SMYD5: variants seen among roughly 807,000 people sequenced by gnomAD.
SMYD5 encodes protein-lysine N-trimethyltransferase SMYD5.
In SMYD5, 35 loss-of-function variants were observed where a neutral mutation model predicts 57.4. The observed-to-expected ratio is 0.61, with a 90% CI of 0.47 to 0.81. The LOEUF is 0.81. Among genes scored for constraint, SMYD5 ranks in the 30% least tolerant of loss-of-function variants. The pLI is 0.00. For missense variants in SMYD5, 471 were observed against 527.9 expected, an observed-to-expected ratio of 0.89 and a Z score of 1.06; for synonymous variants, 198 against 189.7, an observed-to-expected ratio of 1.04 and a Z score of -0.36.
chr2:73,223,386 C>T (rs1380527023), intron 8 of SMYD5, 40 bp from the exon 9 acceptor site: 2 of 1,408,030 alleles, frequency 1.4e-6, no homozygotes, highest in South Asian at 1.2e-5. Flanking sequence ...GTGACCTGGG[C>T]TTCTGCCTCC....
rs376748239 is a variant in SMYD5, at chr2:73,223,555, C to G, written c.883+23C>G. ...CAGGTTGGTGAGATAGGGCCTTGGC[C>G]TCACCCAGCCATGGCGACCCCCCCA... On this transcript the variant is annotated intron_variant, in intron 9 of 12. Coordinates refer to ENST00000389501, the MANE Select transcript of SMYD5 (RefSeq NM_006062.3). The G allele has an allele frequency of 2.2e-5, 34 of 1,521,492 alleles. No individual in the cohort carries two copies. The African/African-American group carries it at 3.1e-4, about 14-fold the overall frequency. The allele number at this position is 1,521,492 out of a possible 1,614,324, so 94.2% of individuals were successfully genotyped here.
At chr2:73,223,672 C>T in intron 9 of SMYD5, 140 bp downstream of exon 9, 1 of 708,312 alleles carries the variant, frequency 1.4e-6, no homozygotes, top group Non-Finnish European at 2.5e-6. Context: ...AGCTTCAGAT[C>T]TGTCCACAGG....
At chr2:73,214,428 A>G in intron 1 of SMYD5, 66 bp downstream of exon 1, 1 of 1,606,244 alleles carries the variant, frequency 6.2e-7, no homozygotes, top group South Asian at 1.1e-5. Flanking sequence ...GCCCGGCCGG[A>G]CTCCATGCCC....
In SMYD5 at chr2:73,221,852, ACT is replaced by A. The variant is rs867331109; in HGVS notation, c.567_568del (p.Ser191ProfsTer4). ...CGAAGGACAAGGACCGTTGGATCAG[ACT>A]CTTTTCCCAGTTTTGTAACAAAACA... ...QAKDKDRWIR[L>X]FSQFCNKTAN... On this transcript the variant is annotated frameshift_variant, in exon 6 of 13. Coordinates refer to ENST00000389501, the MANE Select transcript of SMYD5 (RefSeq NM_006062.3). LOFTEE classifies it high-confidence loss of function. 1.2e-6 allele frequency: 2 copies of A among 1,613,578 alleles called. No homozygotes were observed. Among genetic ancestry groups the A allele is most frequent in the Admixed American group, 3.3e-5 (2 of 59,964 alleles).
chr2:73,219,187 G>A (rs1360161155), intron 2 of SMYD5, among the ~76,000 whole-genome samples: 1 of 152,094 alleles, frequency 6.6e-6, no homozygotes, highest in Non-Finnish European at 1.5e-5. Flanking sequence ...GCTCCCTGAG[G>A]GAGCACAGCA....
intron 1 of SMYD5, among the ~76,000 whole-genome samples, chr2:73,217,011 G>C (rs1252199565): frequency 6.6e-6 from 1 of 151,420 alleles, no homozygotes; most frequent in Non-Finnish European, 1.5e-5. Flanking sequence ...TAGTGCAGTA[G>C]TACAATCTTG....
At chr2:73,214,480 G>A (rs1166347092) in intron 1 of SMYD5, 118 bp downstream of exon 1, 2 of 1,523,978 alleles carry the variant, frequency 1.3e-6, no homozygotes, top group Non-Finnish European at 1.8e-6. Flanking sequence ...CTACGGCCCT[G>A]CCCCTGCTCG....
Position 73,224,944 on chromosome 2 carries a change from A to G in SMYD5, c.1019A>G (p.Asp340Gly). 2 of 1,613,776 alleles carry G rather than the reference A, an allele frequency of 1.2e-6. No individual in the cohort carries two copies. The highest frequency in any genetic ancestry group is 8.5e-7 in the Non-Finnish European group (1 of 1,179,816). The stretch of plus-strand genomic sequence containing the variant: ...CTTTTGCATGTCACTGCTCTGGAGG[A>G]TATTAAGCCAGGAGAGGTGAGGGGG... ...NFLLHVTALE[D>G]IKPGEEICIS... The change falls in exon 11 of 13, where the codon GAT becomes GGT. Residue 340 changes from aspartate to glycine, a missense_variant. Asp to Gly is a moderately conservative substitution (Grantham distance 94). Transcript: ENST00000389501.
At chr2:73,225,141 C>A (rs1686475912) in intron 11 of SMYD5, 181 bp downstream of exon 11, 2 of 564,206 alleles carry the variant, frequency 3.5e-6, no homozygotes, top group Non-Finnish European at 6.3e-6. Context: ...CTCGCTTTTT[C>A]AAAATATGAC....
intron 1 of SMYD5, among the ~76,000 whole-genome samples, chr2:73,215,696 C>G (rs947459708): frequency 6.6e-6 from 1 of 152,182 alleles, no homozygotes; most frequent in East Asian, 1.9e-4. Context: ...TTCTTCACTT[C>G]AGCCACTCTC....
At chr2:73,223,392 C>A (rs920723157) in intron 8 of SMYD5, 34 bp from the exon 9 acceptor site, 1 of 1,470,472 alleles carries the variant, frequency 6.8e-7, no homozygotes, top group Non-Finnish European at 9.5e-7. Flanking sequence ...TGGGCTTCTG[C>A]CTCCCCAACC....
chr2:73,215,801 A>G (rs1411384012), intron 1 of SMYD5, among the ~76,000 whole-genome samples: 1 of 151,878 alleles, frequency 6.6e-6, no homozygotes, highest in East Asian at 1.9e-4. Context: ...AAAATAACAT[A>G]CCTGCCTGGA....
chr2:73,225,799 G>A lies in SMYD5; in HGVS notation c.1110G>A (p.Glu370=). Residue 370 remains glutamate (E), a synonymous_variant, in exon 13 of 13, where the codon GAG becomes GAA. Transcript: ENST00000389501. The stretch of plus-strand genomic sequence containing the variant: ...TCACCATCCCCCACCGCTGCAGGGA[G>A]AACTATCTATTTGTCTGTTCCTGTC... ...SRHSRHKILR[E]NYLFVCSCPK... is the part of the protein sequence containing the mutation. The A allele has an allele frequency of 6.2e-7, 1 of 1,614,140 alleles. No homozygotes were observed. Among genetic ancestry groups the A allele is most frequent in the Non-Finnish European group, 8.5e-7 (1 of 1,180,014 alleles).
rs754664736 is a variant in SMYD5 at position 73,224,951 on chromosome 2, G to C, written c.1026G>C (p.Lys342Asn). The change falls in exon 11 of 13, where the codon AAG becomes AAC. Residue 342 changes from lysine (K) to asparagine (N), a missense_variant. By Grantham distance (94) the Lys-to-Asn change is moderately conservative (BLOSUM62 0). Coordinates refer to ENST00000389501, the MANE Select transcript of SMYD5 (RefSeq NM_006062.3). ...ATGTCACTGCTCTGGAGGATATTAA[G>C]CCAGGAGAGGTGAGGGGGACCAGGA... ...LLHVTALEDIKPGEEICISYL... is the reference protein window; with the variant it reads ...LLHVTALEDINPGEEICISYL... 2 of 1,613,558 alleles carry C rather than the reference G, an allele frequency of 1.2e-6. No individual in the cohort carries two copies. The highest frequency in any genetic ancestry group is 2.2e-5 in the South Asian group (2 of 91,052).
intron 2 of SMYD5, 32 bp downstream of exon 2, chr2:73,219,001 A>T: frequency 6.6e-7 from 1 of 1,514,936 alleles, no homozygotes. Context: ...CTCATGGCCC[A>T]GTCGTCTTTG....
Position 73,221,865 on chromosome 2 carries a change from T to C in SMYD5, c.577T>C (p.Phe193Leu). 6.2e-7 allele frequency: 1 copy of C among 1,614,080 alleles called. No individual in the cohort carries two copies. The highest frequency in any genetic ancestry group is 8.5e-7 in the Non-Finnish European group (1 of 1,179,940). Reference sequence around the variant, plus strand: ...CCGTTGGATCAGACTCTTTTCCCAGTTTTGTAACAAAACAGCCAATGAAGA... The same window carrying C: ...CCGTTGGATCAGACTCTTTTCCCAGCTTTGTAACAAAACAGCCAATGAAGA... The part of the protein sequence containing the change: ...KDRWIRLFSQ[F>L]CNKTANEEEE... The change falls in exon 6 of 13, where the codon TTT becomes CTT. Residue 193 changes from phenylalanine (F) to leucine (L), a missense_variant. Physicochemically the swap from Phe to Leu is conservative, Grantham distance 22. Coordinates refer to ENST00000389501, the MANE Select transcript of SMYD5 (RefSeq NM_006062.3).
At position 73,225,647 on chromosome 2, in the gene SMYD5, A is replaced by T. The variant is rs752105607; in HGVS notation, c.1052A>T (p.Tyr351Phe). ...GCCCTACAGGAAATTTGTATCAGCT[A>T]CTTGGACTGCTGTCAGCGGGAGCGC... Reference protein sequence around the residue: ...IKPGEEICISYLDCCQRERSR... With the variant: ...IKPGEEICISFLDCCQRERSR... The change falls in exon 12 of 13, where the codon TAC (tyrosine) becomes TTC (phenylalanine). Residue 351 changes from tyrosine (Y) to phenylalanine (F), a missense_variant. Coordinates refer to ENST00000389501, the MANE Select transcript of SMYD5 (RefSeq NM_006062.3). 6.2e-7 allele frequency: 1 copy of T among 1,614,180 alleles called. No homozygotes were observed. The highest frequency in any genetic ancestry group is 8.5e-7 in the Non-Finnish European group (1 of 1,180,012).
intron 2 of SMYD5, 118 bp from the exon 3 acceptor site, chr2:73,219,933 A>C: frequency 7.9e-7 from 1 of 1,263,208 alleles, no homozygotes; most frequent in South Asian, 1.2e-5. Context: ...TCACTTTCCA[A>C]ACCTTTATGA....
chr2:73,219,446 A>G (rs916644817), intron 2 of SMYD5, among the ~76,000 whole-genome samples: 7 of 152,098 alleles, frequency 4.6e-5, no homozygotes, highest in Non-Finnish European at 8.8e-5. Flanking sequence ...CAGTGGTGCA[A>G]TCTCGGCTCT....
Sources: gnomAD v4.1 joint callset for allele counts (sites outside exome capture counted in the v4.1 genomes callset) on GRCh38, gnomAD v4.1.1 for gene constraint, MANE v1.5 for transcripts, NCBI Gene and HGNC (gene_info 2026-07-23, HGNC 2026-07-21) for gene names.